MACROD2: variants seen among roughly 807,000 people sequenced by gnomAD.
MACROD2 encodes mono-ADP ribosylhydrolase 2.
In MACROD2, 36 loss-of-function variants were observed where a neutral mutation model predicts 70.4. The observed-to-expected ratio is 0.51, with a 90% confidence interval of 0.39 to 0.68. The LOEUF (loss-of-function observed/expected upper bound fraction) is 0.68. MACROD2 is among the 30% of genes least tolerant of loss of function. The pLI is 0.00. For synonymous variants in MACROD2, 172 were observed against 178.8 expected, an observed-to-expected ratio of 0.96 and a Z score of 0.30; for missense variants, 496 against 538.4, an observed-to-expected ratio of 0.92 and a Z score of 0.78.
intron 12 of MACROD2, among the ~76,000 whole-genome samples, chr20:15,953,916 C>G (rs1568664732): frequency 6.6e-6 from 1 of 151,900 alleles, no homozygotes; most frequent in Non-Finnish European, 1.5e-5. Context: ...CAGATAGAAC[C>G]CTGATTCATG....
At chr20:15,908,555 G>A (rs2065184303) in intron 10 of MACROD2, among the ~76,000 whole-genome samples, 1 of 152,128 alleles carries the variant, frequency 6.6e-6, no homozygotes, top group Non-Finnish European at 1.5e-5. Flanking sequence ...TCTTCTAGTT[G>A]GAATCCATAT....
chr20:15,430,691 A>G (rs1421112387), intron 6 of MACROD2, among the ~76,000 whole-genome samples: 2 of 152,038 alleles, frequency 1.3e-5, no homozygotes, highest in African/African-American at 2.4e-5. Flanking sequence ...ACTGGCTGTC[A>G]AAAAAGGGGT....
Position 14,720,536 on chromosome 20 carries a change from C to CTTTTTTTTTTTTTTTTTT in MACROD2, c.418+35594_418+35611dup, listed in dbSNP as rs753673265. 5.3e-4 allele frequency among the ~76,000 whole-genome samples: 19 copies of CTTTTTTTTTTTTTTTTTT among 35,942 alleles called. 4 individuals carry two copies. The highest frequency in any genetic ancestry group is 1.0e-3 in the Admixed American group (2 of 1,940). The allele number at this position is 35,942 out of a possible 152,430, so 23.6% of individuals were successfully genotyped here. Reference sequence around the variant, plus strand: ...GTTTCATTTCCCAGCTGCCCCACAACTTTTTTTTTTTTTTTTTTTTTTTTT... The same window carrying CTTTTTTTTTTTTTTTTTT: ...GTTTCATTTCCCAGCTGCCCCACAACTTTTTTTTTTTTTTTTTTTTTTTTTTTTTTTTTTTTTTTTTTT... On this transcript the variant is annotated intron_variant, in intron 5 of 17. Transcript: ENST00000684519.
In MACROD2 at chr20:14,867,727, T is replaced by G. The variant is rs537641628; in HGVS notation, c.418+182768T>G. Among the ~76,000 whole-genome samples the G allele has an allele frequency of 3.9e-5, 6 of 152,262 alleles. No homozygotes were observed. In the South Asian group the frequency reaches 1.2e-3, roughly 32 times the overall value. ...GGATTCTGAGGCCACCATTGTCCTT[T>G]CTAGACAAATGGAATGGCTTAAGCC... On this transcript the variant is annotated intron_variant, in intron 5 of 17. Transcript: ENST00000684519.
chr20:15,062,792 A>T (rs2123084514), intron 5 of MACROD2, among the ~76,000 whole-genome samples: 1 of 152,306 alleles, frequency 6.6e-6, no homozygotes, highest in East Asian at 1.9e-4. Flanking sequence ...TGGCAATCCG[A>T]ATAGAACTTG....
At chr20:14,414,765 T>G (rs191748797) in intron 3 of MACROD2, among the ~76,000 whole-genome samples, 201 of 152,222 alleles carry the variant, frequency 1.3e-3, no homozygotes, top group African/African-American at 4.7e-3. Context: ...TTTGCACTGC[T>G]TTTCCCTCTG....
chr20:15,912,711 G>T (rs2065255164), intron 10 of MACROD2, among the ~76,000 whole-genome samples: 1 of 152,124 alleles, frequency 6.6e-6, no homozygotes, highest in African/African-American at 2.4e-5. Context: ...GAGGTTATTG[G>T]ATTGCAAAGA....
At chr20:15,323,080 T>TGGGTAAG (rs1459165496) in intron 6 of MACROD2, among the ~76,000 whole-genome samples, 12 of 104,042 alleles carry the variant, frequency 1.2e-4, no homozygotes, top group Non-Finnish European at 2.2e-4. Flanking sequence ...TATGTTGATG[T>TGGGTAAG]TGACATTCTG....
At chr20:15,176,189 A>AG (rs1227695763) in intron 5 of MACROD2, among the ~76,000 whole-genome samples, 31 of 152,196 alleles carry the variant, frequency 2.0e-4, no homozygotes, top group Admixed American at 2.0e-3. Context: ...GGAGGGGCTG[A>AG]GGGCAGCTTA....
At chr20:15,475,766 G>T (rs1451482975) in intron 7 of MACROD2, among the ~76,000 whole-genome samples, 1 of 152,218 alleles carries the variant, frequency 6.6e-6, no homozygotes, top group East Asian at 1.9e-4. Context: ...CCTCAGAGAA[G>T]AGTGCACTGT....
chr20:15,461,698 C>T lies in MACROD2; in HGVS notation c.571+30263C>T, dbSNP rs1374413599. The stretch of plus-strand genomic sequence containing the variant: ...GTTGTTCTGCAAAACTTCTCATTGT[C>T]GACATTCCAGCACTTCCACTCACTT... On this transcript the variant is annotated intron_variant, in intron 7 of 17. Transcript: ENST00000684519. Among the ~76,000 whole-genome samples the T allele has an allele frequency of 5.9e-5, 9 of 152,200 alleles. No individual in the cohort carries two copies. The East Asian group carries it at 1.4e-3, about 23-fold the overall frequency.
intron 8 of MACROD2, among the ~76,000 whole-genome samples, chr20:15,677,603 C>G (rs572135880): frequency 6.6e-6 from 1 of 151,956 alleles, no homozygotes; most frequent in Admixed American, 6.6e-5. Flanking sequence ...GACCAGAATC[C>G]CAGCCCATAC....
In MACROD2 at chr20:15,521,416, A is replaced by G. The variant is rs143662653; in HGVS notation, c.645+21569A>G. Among the ~76,000 whole-genome samples, 349 of 152,344 alleles carry G rather than the reference A, an allele frequency of 2.3e-3. 1 individual carries two copies. The highest frequency in any genetic ancestry group is 8.1e-3 in the African/African-American group (336 of 41,576). On this transcript the variant is annotated intron_variant, in intron 8 of 17. Coordinates refer to ENST00000684519, the MANE Select transcript of MACROD2 (RefSeq NM_001351661.2). ...AGATTTAAAGCTACTAGGAAGAAATAAAATATACAGCCCTTTACAATGAAG... is the reference window on the plus strand; with the variant it reads ...AGATTTAAAGCTACTAGGAAGAAATGAAATATACAGCCCTTTACAATGAAG...
intron 8 of MACROD2, among the ~76,000 whole-genome samples, chr20:15,638,401 A>G (rs947181994): frequency 1.3e-5 from 2 of 152,220 alleles, no homozygotes; most frequent in Admixed American, 6.5e-5. Flanking sequence ...TAAGTGTGCG[A>G]GGCTTGGAAT....
intron 3 of MACROD2, among the ~76,000 whole-genome samples, chr20:14,391,838 T>C (rs2083529970): frequency 7.0e-6 from 1 of 141,850 alleles, no homozygotes; most frequent in African/African-American, 2.6e-5. Flanking sequence ...AGGAGGGAGG[T>C]GGACACGGGT....
chr20:15,524,594 G>T (rs998626728), intron 8 of MACROD2, among the ~76,000 whole-genome samples: 1 of 152,020 alleles, frequency 6.6e-6, no homozygotes, highest in South Asian at 2.1e-4. Flanking sequence ...CCTACAAAAG[G>T]CTTTGGTTTC....
At chr20:15,281,565 C>G (rs976054657) in intron 6 of MACROD2, among the ~76,000 whole-genome samples, 1 of 152,192 alleles carries the variant, frequency 6.6e-6, no homozygotes, top group East Asian at 1.9e-4. Flanking sequence ...CCTCAAAGTT[C>G]CAAAATTATC....
chr20:14,917,965 A>G (rs551361257), intron 5 of MACROD2, among the ~76,000 whole-genome samples: 2 of 152,016 alleles, frequency 1.3e-5, no homozygotes, highest in South Asian at 4.2e-4. Flanking sequence ...CGGTATACGG[A>G]AGGATTTTGT....
chr20:14,473,284 AC>A (rs1313955108), intron 3 of MACROD2, among the ~76,000 whole-genome samples: 1 of 152,018 alleles, frequency 6.6e-6, no homozygotes, highest in Non-Finnish European at 1.5e-5. Context: ...CTGGCTGACC[AC>A]CCTCTCCACA....
Sources: allele counts gnomAD v4.1 joint callset (sites outside exome capture counted in the v4.1 genomes callset), GRCh38; gene constraint gnomAD v4.1.1; transcripts MANE v1.5; gene names NCBI Gene and HGNC (gene_info 2026-07-23, HGNC 2026-07-21).